ABCF1: variants seen among roughly 807,000 people sequenced by gnomAD.
ABCF1 encodes ATP-binding cassette sub-family F member 1.
A neutral mutation model predicts 126.3 loss-of-function variants in ABCF1; 73 were observed. That is an observed-to-expected ratio of 0.58 (90% confidence interval 0.48 to 0.70). The LOEUF (loss-of-function observed/expected upper bound fraction) is 0.70. ABCF1 is among the 30% of genes least tolerant of loss of function. ABCF1 has a pLI of 0.00. For synonymous variants in ABCF1, 345 were observed against 396.4 expected (o/e 0.87, Z 1.54); for missense variants, 786 against 1,057.5 (o/e 0.74, Z 3.56).
rs1318349203 is a variant in ABCF1 at position 30,571,556 on chromosome 6, A to G, written c.69A>G (p.Pro23=). The change falls in exon 1 of 25, where the codon CCA becomes CCG. Residue 23 remains proline, a synonymous_variant. Coordinates refer to ENST00000326195, the MANE Select transcript of ABCF1 (RefSeq NM_001025091.2). ...EWIGDGESTS[P]SDKVVKKGKK... Reference sequence around the variant, plus strand: ...TCGGGGACGGAGAGAGCACGAGCCCATCAGGTGAGGCTGGTAGGCAAGGAA... The same window carrying G: ...TCGGGGACGGAGAGAGCACGAGCCCGTCAGGTGAGGCTGGTAGGCAAGGAA... 1.7e-5 allele frequency: 27 copies of G among 1,609,734 alleles called. No homozygotes were observed. The highest frequency in any genetic ancestry group is 2.2e-5 in the Non-Finnish European group (26 of 1,179,376).
intron 1 of ABCF1, among the ~76,000 whole-genome samples, chr6:30,573,250 T>C (rs1394361015): frequency 6.6e-6 from 1 of 152,140 alleles, no homozygotes; most frequent in Non-Finnish European, 1.5e-5. Context: ...AAGGGAGAAG[T>C]AAGGTTGACA....
rs1801993222 is a variant in ABCF1, at chr6:30,584,296, C to G, written c.1207C>G (p.Gln403Glu). 6.2e-7 allele frequency: 1 copy of G among 1,612,996 alleles called. No homozygotes were observed. Among genetic ancestry groups the G allele is most frequent in the East Asian group, 2.2e-5 (1 of 44,876 alleles). Residue 403 changes from glutamine (Q) to glutamate (E), a missense_variant, in exon 13 of 25, where the codon CAA becomes GAA. Physicochemically the swap from Gln to Glu is conservative, Grantham distance 29. Transcript: ENST00000326195. This position sits in a 1 kb window ranked among gnomAD's most constrained non-coding sequence, Gnocchi z 4.6. ...GCGGCGGCTTCAGGGACAGCTGGAACAAGGGGATGACACAGCTGCTGAGAG... is the reference window on the plus strand; with the variant it reads ...GCGGCGGCTTCAGGGACAGCTGGAAGAAGGGGATGACACAGCTGCTGAGAG... ...EERRLQGQLEQGDDTAAERLE... is the reference protein window; with the variant it reads ...EERRLQGQLEEGDDTAAERLE...
chr6:30,584,593 C>A lies in ABCF1; in HGVS notation c.1391+27C>A. 6.4e-7 allele frequency: 1 copy of A among 1,563,322 alleles called. No homozygotes were observed. The highest frequency in any genetic ancestry group is 8.6e-7 in the Non-Finnish European group (1 of 1,157,202). On this transcript the variant is annotated intron_variant, in intron 14 of 24. Coordinates refer to ENST00000326195, the MANE Select transcript of ABCF1 (RefSeq NM_001025091.2). This position sits in a 1 kb window ranked among gnomAD's most constrained non-coding sequence, Gnocchi z 4.6. ...TGGGCCATTCACCTCACTGCCCTCCCTTCCAGCCTCAGACCACCGGGGCCC... is the reference window on the plus strand; with the variant it reads ...TGGGCCATTCACCTCACTGCCCTCCATTCCAGCCTCAGACCACCGGGGCCC...
intron 16 of ABCF1, 62 bp downstream of exon 16, chr6:30,585,744 G>A (rs1802084754): frequency 2.5e-6 from 4 of 1,599,204 alleles, no homozygotes; most frequent in Non-Finnish European, 1.7e-6. Context: ...GCCTGAGTGG[G>A]AGGGCCTATT....
At chr6:30,588,206 A>G (rs1802255054) in intron 20 of ABCF1, among the ~76,000 whole-genome samples, 1 of 151,774 alleles carries the variant, frequency 6.6e-6, no homozygotes, top group Non-Finnish European at 1.5e-5. Context: ...CAGCTGAGAT[A>G]ACCAGTATTA....
At chr6:30,575,777 C>T (rs1001077320) in intron 1 of ABCF1, among the ~76,000 whole-genome samples, 3 of 152,026 alleles carry the variant, frequency 2.0e-5, no homozygotes, top group Admixed American at 6.6e-5. Context: ...TTACAAACAA[C>T]GTGTCCCCCT....
At chr6:30,575,564 G>T (rs144574487) in intron 1 of ABCF1, among the ~76,000 whole-genome samples, 2,382 of 151,920 alleles carry the variant, frequency 0.016, 34 homozygotes, top group Middle Eastern at 0.034. Flanking sequence ...GAGGGGGAGA[G>T]CTAGAATCTG....
In ABCF1 at chr6:30,590,184, G is replaced by T. The variant is rs749658798; in HGVS notation, c.2269G>T (p.Ala757Ser). Residue 757 changes from alanine (A) to serine (S), a missense_variant, in exon 23 of 25, where the codon GCC becomes TCC. Physicochemically the swap from Ala to Ser is moderately conservative, Grantham distance 99. Coordinates refer to ENST00000326195, the MANE Select transcript of ABCF1 (RefSeq NM_001025091.2). ...QKARVVFAEL[A>S]CREPDVLILD... is the part of the protein sequence containing the mutation. ...GGCGCGAGTTGTGTTTGCTGAGCTG[G>T]CCTGTCGGGAACCTGATGTCCTCAT... The T allele has an allele frequency of 6.2e-7, 1 of 1,613,078 alleles. No individual in the cohort carries two copies. Among genetic ancestry groups the T allele is most frequent in the Non-Finnish European group, 8.5e-7 (1 of 1,180,028 alleles).
Position 30,586,263 on chromosome 6 carries a change from C to T in ABCF1, c.1843C>T (p.Pro615Ser). 6.2e-7 allele frequency: 1 copy of T among 1,612,660 alleles called. No homozygotes were observed. Among genetic ancestry groups the T allele is most frequent in the South Asian group, 1.1e-5 (1 of 90,922 alleles). Reference sequence around the variant, plus strand: ...GGAGTACACTGTGCGCTTCACTTTTCCAGACCCCCCACCACTCAGCCCTCC... The same window carrying T: ...GGAGTACACTGTGCGCTTCACTTTTTCAGACCCCCCACCACTCAGCCCTCC... Reference protein sequence around the residue: ...PKEYTVRFTFPDPPPLSPPVL... With the variant: ...PKEYTVRFTFSDPPPLSPPVL... Residue 615 changes from proline (P) to serine (S), a missense_variant, in exon 18 of 25, where the codon CCA becomes TCA. Pro to Ser is a moderately conservative substitution (Grantham distance 74). Transcript: ENST00000326195. The surrounding 1 kb of genome is among the most constrained non-coding windows in gnomAD (Gnocchi z 4.9).
intron 9 of ABCF1, among the ~76,000 whole-genome samples, chr6:30,582,755 G>A (rs1297112708): frequency 1.3e-5 from 2 of 152,120 alleles, no homozygotes; most frequent in African/African-American, 2.4e-5. Flanking sequence ...GTGCAATGAC[G>A]TGATCTCTGT....
At chr6:30,575,503 T>C in intron 1 of ABCF1, among the ~76,000 whole-genome samples, 1 of 151,836 alleles carries the variant, frequency 6.6e-6, no homozygotes, top group South Asian at 2.1e-4. Context: ...CTGCCTCCAG[T>C]AGGGGAGGGA....
Position 30,586,454 on chromosome 6 carries a change from C to A in ABCF1, c.1886-20C>A, listed in dbSNP as rs1400370875. ...CAGGGACTGAAAAGAATATAAATTG[C>A]TTCTTTTCGTGGCTTTCAGGTGTGA... is the stretch of plus-strand genomic sequence containing the variant. On this transcript the variant is annotated intron_variant, in intron 18 of 24. Coordinates refer to ENST00000326195, the MANE Select transcript of ABCF1 (RefSeq NM_001025091.2). This position sits in a 1 kb window ranked among gnomAD's most constrained non-coding sequence, Gnocchi z 4.9. 6.2e-7 allele frequency: 1 copy of A among 1,613,562 alleles called. No individual in the cohort carries two copies.
In ABCF1 at chr6:30,584,446, C is replaced by T. The variant is rs765458117; in HGVS notation, c.1271C>T (p.Ala424Val). Residue 424 changes from alanine (A) to valine (V), a missense_variant, in exon 14 of 25, where the codon GCG becomes GTG. This residue lies in a region of ABCF1 where 163 missense variants were observed against 255.3 expected (regional missense o/e 0.64). Coordinates refer to ENST00000326195, the MANE Select transcript of ABCF1 (RefSeq NM_001025091.2). The surrounding 1 kb of genome is among the most constrained non-coding windows in gnomAD (Gnocchi z 4.6). Reference protein sequence around the residue: ...KVYEELRATGAAAAEAKARRI... With the variant: ...KVYEELRATGVAAAEAKARRI... ...TATGAGGAATTGCGGGCCACTGGGG[C>T]GGCAGCTGCAGAGGCCAAAGCACGG... 1 of 1,613,082 alleles carries T rather than the reference C, an allele frequency of 6.2e-7. No homozygotes were observed. Among genetic ancestry groups the T allele is most frequent in the Non-Finnish European group, 8.5e-7 (1 of 1,180,036 alleles).
Position 30,590,760 on chromosome 6 carries a change from G to C in ABCF1, c.*59G>C. 1 of 1,532,708 alleles carries C rather than the reference G, an allele frequency of 6.5e-7. No individual in the cohort carries two copies. The highest frequency in any genetic ancestry group is 8.8e-7 in the Non-Finnish European group (1 of 1,139,126). 94.9% of individuals were successfully genotyped at this position (1,532,708 alleles called of 1,614,324 possible). On this transcript the variant is annotated 3_prime_UTR_variant, in exon 25 of 25. Transcript: ENST00000326195. ...TTTGTGTGGCCTAGAAGTCCTCTGT[G>C]GTCTCCCCTCCTCTGAAGACTGCCT...
At position 30,574,149 on chromosome 6, in the gene ABCF1, GTT is replaced by G. The variant is rs536648577; in HGVS notation, c.73+2600_73+2601del. Among the ~76,000 whole-genome samples the G allele has an allele frequency of 6.9e-6, 1 of 144,028 alleles. No homozygotes were observed. 94.5% of individuals were successfully genotyped at this position (144,028 alleles called of 152,430 possible). On this transcript the variant is annotated intron_variant, in intron 1 of 24. Coordinates refer to ENST00000326195, the MANE Select transcript of ABCF1 (RefSeq NM_001025091.2). This position sits in a 1 kb window ranked among gnomAD's most constrained non-coding sequence, Gnocchi z 4.3. ...CAAAAGATTTTTTTGGTTTTGGTGG[GTT>G]TTTTTTTTTTGTGACGGAGCCTCAC...
chr6:30,588,069 C>T (rs546718685), intron 20 of ABCF1, among the ~76,000 whole-genome samples: 3 of 151,876 alleles, frequency 2.0e-5, no homozygotes, highest in Middle Eastern at 3.4e-3. Flanking sequence ...TGCCCAGCTA[C>T]TTTTTGTATT....
At chr6:30,588,592 C>T (rs561018971) in intron 20 of ABCF1, among the ~76,000 whole-genome samples, 2 of 152,140 alleles carry the variant, frequency 1.3e-5, no homozygotes, top group East Asian at 3.9e-4. Flanking sequence ...ATCTCCTGAC[C>T]TCATGATCTG....
chr6:30,575,071 CT>C (rs958476559), intron 1 of ABCF1, among the ~76,000 whole-genome samples: 2,310 of 129,770 alleles, frequency 0.018, 18 homozygotes, highest in African/African-American at 0.038. Flanking sequence ...GACTTTTTTT[CT>C]TTTTTTTTTT....
chr6:30,585,453 A>T (rs1378491100), intron 15 of ABCF1, 105 bp from the exon 16 acceptor site: 8 of 1,581,518 alleles, frequency 5.1e-6, no homozygotes, highest in Non-Finnish European at 6.9e-6. Context: ...GTGGAGCTCT[A>T]TTCAGACCCC....
Sources: allele counts gnomAD v4.1 joint callset (sites outside exome capture counted in the v4.1 genomes callset), GRCh38; gene constraint gnomAD v4.1.1; regional missense constraint gnomAD v4.1.1; non-coding constraint Gnocchi (gnomAD v3.1); transcripts MANE v1.5; gene names NCBI Gene and HGNC (gene_info 2026-07-23, HGNC 2026-07-21).